PLAT: variants seen among roughly 807,000 people sequenced by gnomAD.
PLAT encodes plasminogen activator, tissue type, also known as tissue-type plasminogen activator.
A neutral mutation model predicts 74.9 loss-of-function variants in PLAT; 48 were observed. That is an observed-to-expected ratio of 0.64 (90% CI 0.51 to 0.82). PLAT has a LOEUF of 0.82. Among genes scored for constraint, PLAT ranks in the 40% least tolerant of loss-of-function variants. The probability of loss-of-function intolerance (pLI) is 0.00; values close to 1 mark genes in which losing one functional copy is unlikely to be tolerated. For missense variants in PLAT, 673 were observed against 736.2 expected (o/e 0.91, Z 0.99); for synonymous variants, 307 against 294.4 (o/e 1.04, Z -0.44).
rs1277848287 is a variant in PLAT, at chr8:42,174,792, T to A, written c.*1201A>T. ...TCTAAATTCCAGCCTATGTTCCTCT[T>A]CCTGAAGTTCACTTCAGACAAGCTC... is the stretch of plus-strand genomic sequence containing the variant. On this transcript the variant is annotated 3_prime_UTR_variant, in exon 14 of 14. Transcript: ENST00000220809. Among the ~76,000 whole-genome samples the A allele has an allele frequency of 6.6e-6, 1 of 152,124 alleles. No homozygotes were observed. Among genetic ancestry groups the A allele is most frequent in the Admixed American group, 6.5e-5 (1 of 15,280 alleles).
At chr8:42,194,998 G>A (rs1390826752) in intron 1 of PLAT, among the ~76,000 whole-genome samples, 4 of 152,176 alleles carry the variant, frequency 2.6e-5, no homozygotes, top group South Asian at 2.1e-4. Context: ...TTAGTCGGCC[G>A]GGTGTTATTT....
chr8:42,195,420 C>G (rs2979898), intron 1 of PLAT, among the ~76,000 whole-genome samples: 1 of 152,222 alleles, frequency 6.6e-6, no homozygotes, highest in Non-Finnish European at 1.5e-5. Flanking sequence ...TCCTCTCAGC[C>G]TCCCTGCACC....
chr8:42,204,108 G>T (rs1401138973), intron 1 of PLAT, among the ~76,000 whole-genome samples: 1 of 151,470 alleles, frequency 6.6e-6, no homozygotes, highest in East Asian at 1.9e-4. Flanking sequence ...AGACCATGTG[G>T]CTTGACTTAG....
intron 6 of PLAT, chr8:42,186,693 C>T (rs1805470538): frequency 1.3e-5 from 2 of 151,606 alleles, no homozygotes; most frequent in South Asian, 2.1e-4. Context: ...CACACACATT[C>T]TCTCTCTCTC....
chr8:42,179,372 G>A (rs1447096449), intron 12 of PLAT, among the ~76,000 whole-genome samples: 2 of 152,110 alleles, frequency 1.3e-5, no homozygotes, highest in African/African-American at 2.4e-5. Flanking sequence ...ACTGAAGGCC[G>A]GCGTTAACCC....
rs1212366173 is a variant in PLAT, at chr8:42,180,587, C to G, written c.988G>C (p.Ala330Pro). 1.9e-6 allele frequency: 3 copies of G among 1,613,398 alleles called. No individual in the cohort carries two copies. The highest frequency in any genetic ancestry group is 2.5e-6 in the Non-Finnish European group (3 of 1,179,686). The stretch of plus-strand genomic sequence containing the variant: ...TCTCCGGGCGACCTCCTGTGCTTGG[C>G]AAAGATGGCAGCCTGCCAGGGGTGG... ...ASHPWQAAIFAKHRRSPGERF... is the reference protein window; with the variant it reads ...ASHPWQAAIFPKHRRSPGERF... The change falls in exon 10 of 14, where the codon GCC becomes CCC. Residue 330 changes from alanine to proline, a missense_variant. Transcript: ENST00000220809.
chr8:42,192,482 C>T (rs1805725006), intron 2 of PLAT, among the ~76,000 whole-genome samples: 1 of 152,184 alleles, frequency 6.6e-6, no homozygotes, highest in African/African-American at 2.4e-5. Flanking sequence ...CTGCAGTGAG[C>T]TATGATTGTG....
intron 9 of PLAT, 74 bp downstream of exon 9, chr8:42,181,862 AG>A: frequency 1.1e-6 from 1 of 869,718 alleles, no homozygotes; most frequent in Non-Finnish European, 2.0e-6. Flanking sequence ...ACAGCCATGA[AG>A]GCCTAGAAAG....
rs542778715 is a variant in PLAT at position 42,182,844 on chromosome 8, C to A, written c.678G>T (p.Thr226=). The part of the protein sequence containing the change: ...YFGNGSAYRG[T]HSLTESGASC... ...AGGCACCCGACTCGGTGAGGCTGTGCGTGCCACGGTAGGCTGACCCATTCC... is the reference window on the plus strand; with the variant it reads ...AGGCACCCGACTCGGTGAGGCTGTGAGTGCCACGGTAGGCTGACCCATTCC... Residue 226 remains threonine (T), a synonymous_variant, in exon 8 of 14, where the codon ACG becomes ACT. Coordinates refer to ENST00000220809, the MANE Select transcript of PLAT (RefSeq NM_000930.5). 6.2e-7 allele frequency: 1 copy of A among 1,613,548 alleles called. No individual in the cohort carries two copies. Among genetic ancestry groups the A allele is most frequent in the East Asian group, 2.2e-5 (1 of 44,868 alleles).
chr8:42,180,157 G>A (rs780489343), intron 11 of PLAT, 85 bp downstream of exon 11: 256 of 1,589,316 alleles, frequency 1.6e-4, no homozygotes, highest in Non-Finnish European at 2.1e-4. Context: ...TGGAGGAGGA[G>A]GCCCGTGTGT....
At position 42,175,675 on chromosome 8, in the gene PLAT, G is replaced by C. The variant is rs1397367390; in HGVS notation, c.*318C>G. 2.9e-5 allele frequency: 8 copies of C among 277,320 alleles called. No homozygotes were observed. The East Asian group carries it at 4.8e-4, about 16-fold the overall frequency. The allele number at this position is 277,320 out of a possible 1,614,324, so 17.2% of individuals were successfully genotyped here. A position where few individuals can be genotyped will look rare whatever the true frequency, so the allele number is the denominator to read the frequency against. ...TTTCCAAAGCTGCTCACGGTGACAG[G>C]TCAGGAGGTTGGGCTTTAGCTGAAA... On this transcript the variant is annotated 3_prime_UTR_variant, in exon 14 of 14. Transcript: ENST00000220809.
At position 42,185,139 on chromosome 8, in the gene PLAT, G is replaced by A. The variant is rs201110341; in HGVS notation, c.573C>T (p.Tyr191=). Residue 191 remains tyrosine (Y), a synonymous_variant, in exon 7 of 14, where the codon TAC becomes TAT. Transcript: ENST00000220809. ...NPDRDSKPWC[Y]VFKAGKYSSE... is the part of the protein sequence containing the mutation. ...AGCTGTACTTCCCCGCCTTAAAGACGTAGCACCAGGGCTTTGAGTCTCGAT... is the reference window on the plus strand; with the variant it reads ...AGCTGTACTTCCCCGCCTTAAAGACATAGCACCAGGGCTTTGAGTCTCGAT... 52 of 1,612,428 alleles carry A rather than the reference G, an allele frequency of 3.2e-5. No individual in the cohort carries two copies. The highest frequency in any genetic ancestry group is 3.3e-4 in the Middle Eastern group (2 of 6,076).
intron 1 of PLAT, 30 bp from the exon 2 acceptor site, chr8:42,193,241 C>G: frequency 6.9e-7 from 1 of 1,446,648 alleles, no homozygotes; most frequent in Non-Finnish European, 9.7e-7. Flanking sequence ...AGCTTGATCA[C>G]GGGGTGCGAG....
chr8:42,203,008 C>T (rs547511262), intron 1 of PLAT, among the ~76,000 whole-genome samples: 25 of 152,228 alleles, frequency 1.6e-4, no homozygotes, highest in Non-Finnish European at 2.6e-4. Flanking sequence ...CAGTCGCCCC[C>T]GGGCTCTTCT....
At chr8:42,182,988 G>T in intron 7 of PLAT, 98 bp from the exon 8 acceptor site, 1 of 908,002 alleles carries the variant, frequency 1.1e-6, no homozygotes, top group Non-Finnish European at 1.7e-6. Context: ...GAGGAAGCTG[G>T]AGGCCGCTAG....
intron 9 of PLAT, 37 bp downstream of exon 9, chr8:42,181,900 A>T: frequency 8.3e-7 from 1 of 1,210,134 alleles, no homozygotes; most frequent in Non-Finnish European, 1.2e-6. Flanking sequence ...AAGAAGGGAG[A>T]CCAGGTGCAG....
At chr8:42,195,897 A>C (rs1805885684) in intron 1 of PLAT, among the ~76,000 whole-genome samples, 1 of 152,212 alleles carries the variant, frequency 6.6e-6, no homozygotes, top group Admixed American at 6.5e-5. Context: ...ACAGCAAACG[A>C]GTGAGTACAA....
intron 9 of PLAT, among the ~76,000 whole-genome samples, chr8:42,181,381 A>T (rs1465823180): frequency 6.6e-6 from 1 of 152,182 alleles, no homozygotes; most frequent in Non-Finnish European, 1.5e-5. Context: ...CCCCTGTGTG[A>T]AATAGGTCAA....
intron 7 of PLAT, 43 bp downstream of exon 7, chr8:42,185,038 C>T (rs1465242930): frequency 7.3e-7 from 1 of 1,362,252 alleles, no homozygotes; most frequent in Non-Finnish European, 1.0e-6. Flanking sequence ...GGACTTTCCT[C>T]CCCCAGGGAC....
Sources: allele counts gnomAD v4.1 joint callset (sites outside exome capture counted in the v4.1 genomes callset), GRCh38; gene constraint gnomAD v4.1.1; transcripts MANE v1.5; gene names NCBI Gene and HGNC (gene_info 2026-07-23, HGNC 2026-07-21).